The following PLXNA4 variants were observed in gnomAD, a reference collection of about 807,000 sequenced individuals.
PLXNA4 encodes plexin-A4.
PLXNA4 carries 44 observed loss-of-function variants against 191.8 expected under a neutral mutation model. The observed-to-expected ratio is 0.23, with a 90% CI of 0.18 to 0.29. The LOEUF is 0.29. PLXNA4 is among the 10% of genes least tolerant of loss of function. PLXNA4 has a pLI of 1.00. For missense variants in PLXNA4, 1,800 were observed against 2,488.8 expected (o/e 0.72, Z 5.89); for synonymous variants, 1,082 against 1,009.5 (o/e 1.07, Z -1.36).
intron 25 of PLXNA4, among the ~76,000 whole-genome samples, chr7:132,151,428 AG>A (rs1795621623): frequency 4.1e-5 from 3 of 73,356 alleles, no homozygotes; most frequent in African/African-American, 1.3e-4. Context: ...GAGGAGGAGG[AG>A]GAAGGAGGAG....
At chr7:132,206,863 G>T (rs1040902824) in intron 10 of PLXNA4, among the ~76,000 whole-genome samples, 11 of 152,132 alleles carry the variant, frequency 7.2e-5, no homozygotes, top group Non-Finnish European at 1.6e-4. Context: ...CAGTTAATCT[G>T]CACAAAGCTC....
chr7:132,396,437 T>C (rs1041700696), intron 3 of PLXNA4, among the ~76,000 whole-genome samples: 1 of 152,228 alleles, frequency 6.6e-6, no homozygotes, highest in African/African-American at 2.4e-5. Context: ...AAGTAGCATG[T>C]CCAAGGTCGA....
At chr7:132,415,048 T>C (rs549619417) in intron 3 of PLXNA4, among the ~76,000 whole-genome samples, 3 of 152,342 alleles carry the variant, frequency 2.0e-5, no homozygotes, top group Admixed American at 6.5e-5. Flanking sequence ...AGCCGTCTCT[T>C]ATTCTGCCCT....
At chr7:132,347,729 T>C (rs1201318449) in intron 3 of PLXNA4, among the ~76,000 whole-genome samples, 2 of 152,132 alleles carry the variant, frequency 1.3e-5, no homozygotes, top group Non-Finnish European at 2.9e-5. Flanking sequence ...CAGGTGCCCA[T>C]GATCACGGAG....
At chr7:132,572,530 C>G (rs1268917619) in intron 1 of PLXNA4, among the ~76,000 whole-genome samples, 1 of 152,192 alleles carries the variant, frequency 6.6e-6, no homozygotes, top group African/African-American at 2.4e-5. Flanking sequence ...CCAGGCTGCT[C>G]CATGCCATGC....
chr7:132,233,411 T>C (rs1276867853), intron 5 of PLXNA4, among the ~76,000 whole-genome samples: 1 of 152,154 alleles, frequency 6.6e-6, no homozygotes, highest in African/African-American at 2.4e-5. Context: ...CTTTCAATGT[T>C]ACAATTCTAG....
intron 3 of PLXNA4, among the ~76,000 whole-genome samples, chr7:132,344,235 T>G (rs192678323): frequency 2.6e-5 from 4 of 152,288 alleles, no homozygotes; most frequent in African/African-American, 9.6e-5. Context: ...ATGGATTTTT[T>G]TTTTCTTTCC....
chr7:132,296,370 G>C (rs548560277), intron 4 of PLXNA4, among the ~76,000 whole-genome samples: 1 of 152,264 alleles, frequency 6.6e-6, no homozygotes, highest in African/African-American at 2.4e-5. Flanking sequence ...TCAGAATGCT[G>C]ACTCAGTTCT....
At chr7:132,448,537 C>T (rs550354142) in intron 3 of PLXNA4, among the ~76,000 whole-genome samples, 5 of 152,166 alleles carry the variant, frequency 3.3e-5, no homozygotes, top group African/African-American at 1.2e-4. Flanking sequence ...GTGAGGAGGA[C>T]GAGGTGGAGG....
At chr7:132,430,677 C>T (rs1321797792) in intron 3 of PLXNA4, among the ~76,000 whole-genome samples, 1 of 152,204 alleles carries the variant, frequency 6.6e-6, no homozygotes, top group Non-Finnish European at 1.5e-5. Context: ...AGCTTGAGTG[C>T]TAACAACCCA....
chr7:132,415,378 G>A (rs909954095), intron 3 of PLXNA4, among the ~76,000 whole-genome samples: 2 of 152,188 alleles, frequency 1.3e-5, no homozygotes, highest in Non-Finnish European at 2.9e-5. Flanking sequence ...ATGTGTGTGC[G>A]AGACCAGGGA....
At chr7:132,182,258 A>G in intron 16 of PLXNA4, 68 bp from the exon 17 acceptor site, 1 of 1,588,952 alleles carries the variant, frequency 6.3e-7, no homozygotes. Flanking sequence ...CTCTACAATG[A>G]TGACTGAGCT....
At chr7:132,190,977 G>A (rs140888974) in intron 14 of PLXNA4, among the ~76,000 whole-genome samples, 18 of 152,338 alleles carry the variant, frequency 1.2e-4, no homozygotes, top group Non-Finnish European at 2.9e-5. Context: ...CTCTGCATTC[G>A]CAGACTGAGG....
At position 132,440,030 on chromosome 7, in the gene PLXNA4, T is replaced by C. The variant is rs113609051; in HGVS notation, c.1371+49262A>G. ...TGTGTGTATGTGTGTGTGTGTGATC[T>C]GTGTGGGCTTGTGCCATGCTGCCAT... On this transcript the variant is annotated intron_variant, in intron 3 of 31. Transcript: ENST00000321063. Among the ~76,000 whole-genome samples, 438 of 151,584 alleles carry C rather than the reference T, an allele frequency of 2.9e-3. 2 individuals carry two copies. Among genetic ancestry groups the C allele is most frequent in the Non-Finnish European group, 4.6e-3 (310 of 67,956 alleles).
intron 3 of PLXNA4, among the ~76,000 whole-genome samples, chr7:132,444,975 C>G (rs924565440): frequency 2.0e-5 from 3 of 151,152 alleles, no homozygotes; most frequent in Non-Finnish European, 4.4e-5. Context: ...CATGGTGAAA[C>G]CCTGTCTCTA....
rs776956600 is a variant in PLXNA4 at position 132,507,632 on chromosome 7, G to A, written c.1062C>T (p.Ala354=). ...KRKMKSLDES[A]LCIFILKQIN... ...TCTGCTTCAAGATGAAGATGCACAG[G>A]GCCGACTCATCCAGGGATTTCATTT... The change falls in exon 2 of 32, where the codon GCC becomes GCT. Residue 354 remains alanine (A), a synonymous_variant. Coordinates refer to ENST00000321063, the MANE Select transcript of PLXNA4 (RefSeq NM_020911.2). The A allele has an allele frequency of 6.2e-7, 1 of 1,614,180 alleles. No individual in the cohort carries two copies. Among genetic ancestry groups the A allele is most frequent in the South Asian group, 1.1e-5 (1 of 91,076 alleles).
chr7:132,489,620 C>T, intron 2 of PLXNA4, 146 bp from the exon 3 acceptor site: 1 of 784,022 alleles, frequency 1.3e-6, no homozygotes, highest in Non-Finnish European at 1.9e-6. Context: ...AAACGTCACT[C>T]CAGAGAAACT....
chr7:132,380,217 T>A (rs1804834997), intron 3 of PLXNA4, among the ~76,000 whole-genome samples: 1 of 152,228 alleles, frequency 6.6e-6, no homozygotes, highest in Admixed American at 6.5e-5. Flanking sequence ...CAACAGTTGT[T>A]ATCCATTGCT....
At chr7:132,194,236 C>T (rs200837117) in intron 13 of PLXNA4, 57 bp from the exon 14 acceptor site, 11 of 1,550,506 alleles carry the variant, frequency 7.1e-6, no homozygotes, top group African/African-American at 2.7e-5. Flanking sequence ...CAAGACCCTG[C>T]ACCCCACAGC....
Sources: gnomAD v4.1 joint callset for allele counts (sites outside exome capture counted in the v4.1 genomes callset) on GRCh38, gnomAD v4.1.1 for gene constraint, MANE v1.5 for transcripts, NCBI Gene and HGNC (gene_info 2026-07-23, HGNC 2026-07-21) for gene names.